Variants in RNF7 observed in about 807,000 individuals in gnomAD.
RNF7 encodes the protein ring finger protein 7.
A neutral mutation model predicts 17.0 loss-of-function variants in RNF7; 9 were observed. That is an observed-to-expected ratio of 0.53 (90% CI 0.32 to 0.92). RNF7 has a LOEUF of 0.92. RNF7 is among the 40% of genes least tolerant of loss of function. The pLI, the probability that RNF7 is intolerant of heterozygous loss-of-function variation, is 0.04. For synonymous variants in RNF7, 59 were observed against 50.5 expected (o/e 1.17, Z -0.72); for missense variants, 87 against 145.8 (o/e 0.60, Z 2.08).
chr3:141,742,329 C>A (rs1213499535), intron 1 of RNF7, among the ~76,000 whole-genome samples: 5 of 151,344 alleles, frequency 3.3e-5, no homozygotes, highest in African/African-American at 1.2e-4. Flanking sequence ...TGGGTTCACG[C>A]CATTCTCCTG....
At chr3:141,742,385 C>A (rs1430071211) in intron 1 of RNF7, among the ~76,000 whole-genome samples, 1 of 151,926 alleles carries the variant, frequency 6.6e-6, no homozygotes, top group Non-Finnish European at 1.5e-5. Context: ...CACCACCACG[C>A]CCGGCTAATT....
At chr3:141,741,803 G>A (rs908814693) in intron 1 of RNF7, among the ~76,000 whole-genome samples, 2 of 152,028 alleles carry the variant, frequency 1.3e-5, no homozygotes, top group Admixed American at 1.3e-4. Context: ...ATGCTCATGG[G>A]CAGTTTATTT....
At chr3:141,743,019 TG>T in intron 1 of RNF7, 1 of 559,114 alleles carries the variant, frequency 1.8e-6, no homozygotes, top group Non-Finnish European at 2.3e-6. Context: ...GTATATTACC[TG>T]GAAGAGTGAA....
intron 1 of RNF7, among the ~76,000 whole-genome samples, chr3:141,742,469 G>A (rs1490850957): frequency 2.0e-5 from 3 of 151,464 alleles, no homozygotes; most frequent in Non-Finnish European, 4.4e-5. Flanking sequence ...CTCGTGATCC[G>A]CCCGCCTCAG....
At chr3:141,743,220 T>A (rs2084439220) in intron 1 of RNF7, among the ~76,000 whole-genome samples, 1 of 152,170 alleles carries the variant, frequency 6.6e-6, no homozygotes. Context: ...TAGTGGAGTA[T>A]GGCATATTTT....
chr3:141,738,619 G>A (rs2084382695), intron 1 of RNF7, 103 bp downstream of exon 1: 1 of 1,231,732 alleles, frequency 8.1e-7, no homozygotes. Flanking sequence ...AAAGTGCCCT[G>A]CCTGGGAGAG....
rs568889469 is a variant in RNF7 at position 141,746,186 on chromosome 3, A to G, written c.*909A>G. The G allele has an allele frequency of 6.6e-6, 1 of 152,254 alleles. No homozygotes were observed. Among genetic ancestry groups the G allele is most frequent in the East Asian group, 1.9e-4 (1 of 5,182 alleles). 9.4% of individuals were successfully genotyped at this position (152,254 alleles called of 1,614,324 possible). ...GAGACGGGATTTCCCCATGTTGGCC[A>G]GGCTGGTCTCAAACTCCTGACCTCA... On this transcript the variant is annotated 3_prime_UTR_variant, in exon 3 of 3. Coordinates refer to ENST00000273480, the MANE Select transcript of RNF7 (RefSeq NM_014245.5).
chr3:141,740,806 G>A lies in RNF7; in HGVS notation c.175+2290G>A, dbSNP rs1006832326. Among the ~76,000 whole-genome samples the A allele has an allele frequency of 5.3e-5, 8 of 152,160 alleles. 1 individual carries two copies. The highest frequency in any genetic ancestry group is 3.3e-4 in the Admixed American group (5 of 15,276). On this transcript the variant is annotated intron_variant, in intron 1 of 2. Transcript: ENST00000273480. The stretch of plus-strand genomic sequence containing the variant: ...GTCAGTTTTGATAATCTACATCAGA[G>A]CTATAAGTGTAATTTAGAGATTCCT...
At chr3:141,742,791 G>A (rs762067939) in intron 1 of RNF7, 28 of 1,261,868 alleles carry the variant, frequency 2.2e-5, no homozygotes, top group African/African-American at 3.1e-5. Context: ...GATGACCATC[G>A]GTAGCAACCT....
rs2084486238 is a variant in RNF7, at chr3:141,747,533, T to A, written c.*2256T>A. 1 of 152,240 alleles carries A rather than the reference T, an allele frequency of 6.6e-6. No individual in the cohort carries two copies. The highest frequency in any genetic ancestry group is 6.5e-5 in the Admixed American group (1 of 15,290). 9.4% of individuals were successfully genotyped at this position (152,240 alleles called of 1,614,324 possible). ...CCCCCTTTACTGTCATGAAGTGAAA[T>A]TCATAAATATATTTCCTACACATAT... is the stretch of plus-strand genomic sequence containing the variant. On this transcript the variant is annotated 3_prime_UTR_variant, in exon 3 of 3. Transcript: ENST00000273480.
At position 141,738,399 on chromosome 3, in the gene RNF7, T is replaced by A. The variant is rs2084379186; in HGVS notation, c.58T>A (p.Ser20Thr). 6.2e-7 allele frequency: 1 copy of A among 1,605,452 alleles called. No homozygotes were observed. Among genetic ancestry groups the A allele is most frequent in the Non-Finnish European group, 8.5e-7 (1 of 1,176,186 alleles). Residue 20 changes from serine to threonine, a missense_variant, in exon 1 of 3, where the codon TCA (serine) becomes ACA (threonine). Coordinates refer to ENST00000273480, the MANE Select transcript of RNF7 (RefSeq NM_014245.5). ...TCALASHSGS[S>T]GSKSGGDKMF... ...CGCCCTGGCCTCTCACTCCGGGAGC[T>A]CAGGCTCCAAGTCGGGAGGCGACAA...
Position 141,745,289 on chromosome 3 carries a change from A to G in RNF7, c.*12A>G. On this transcript the variant is annotated 3_prime_UTR_variant, in exon 3 of 3. Coordinates refer to ENST00000273480, the MANE Select transcript of RNF7 (RefSeq NM_014245.5). ...GAATCGGCAAATGAGAGTGGTTAGA[A>G]GGCTTCTTAGCGCAGTTGTTCAGAG... The G allele has an allele frequency of 4.5e-6, 7 of 1,570,622 alleles. No individual in the cohort carries two copies. The highest frequency in any genetic ancestry group is 6.1e-6 in the Non-Finnish European group (7 of 1,142,644).
rs560626983 is a variant in RNF7 at position 141,739,786 on chromosome 3, A to G, written c.175+1270A>G. Among the ~76,000 whole-genome samples the G allele has an allele frequency of 3.9e-5, 6 of 152,324 alleles. 1 individual carries two copies. In the South Asian group the frequency reaches 1.2e-3, roughly 32 times the overall value. ...TTGAAAGACCTTGATATTAGACATG[A>G]CCCACTTATTTTACATGGATCACTT... On this transcript the variant is annotated intron_variant, in intron 1 of 2. Transcript: ENST00000273480.
chr3:141,745,145 T>C lies in RNF7; in HGVS notation c.224-14T>C. The stretch of plus-strand genomic sequence containing the variant: ...GAAATATGTAATGTCAACTCTTCTT[T>C]TTCTTTCTTTCAGTGGTCTGGGGAG... On this transcript the variant is annotated splice_polypyrimidine_tract_variant and intron_variant, in intron 2 of 2. Transcript: ENST00000273480. 1.3e-6 allele frequency: 2 copies of C among 1,556,628 alleles called. No homozygotes were observed. Among genetic ancestry groups the C allele is most frequent in the South Asian group, 1.1e-5 (1 of 88,210 alleles).
chr3:141,739,251 C>CT (rs2084390593), intron 1 of RNF7, among the ~76,000 whole-genome samples: 1 of 152,206 alleles, frequency 6.6e-6, no homozygotes, highest in African/African-American at 2.4e-5. Flanking sequence ...TCACACCCCC[C>CT]TCTCCATATT....
At position 141,746,619 on chromosome 3, in the gene RNF7, C is replaced by T. The variant is rs1164375205; in HGVS notation, c.*1342C>T. On this transcript the variant is annotated 3_prime_UTR_variant, in exon 3 of 3. Transcript: ENST00000273480. ...TGTAACAAATAATGGACCACAAGTT[C>T]ATTTTGTATTCTTCTGTAGTAGAGG... The T allele has an allele frequency of 6.6e-6, 1 of 152,110 alleles. No homozygotes were observed. The highest frequency in any genetic ancestry group is 1.5e-5 in the Non-Finnish European group (1 of 68,024). 9.4% of individuals were successfully genotyped at this position (152,110 alleles called of 1,614,324 possible).
chr3:141,743,781 C>T (rs1485563434), intron 2 of RNF7, among the ~76,000 whole-genome samples: 2 of 152,104 alleles, frequency 1.3e-5, no homozygotes, highest in Admixed American at 1.3e-4. Context: ...ATATTCCAGA[C>T]ATGGTCATAA....
At chr3:141,739,427 A>G (rs1205976338) in intron 1 of RNF7, among the ~76,000 whole-genome samples, 1 of 152,202 alleles carries the variant, frequency 6.6e-6, no homozygotes, top group African/African-American at 2.4e-5. Flanking sequence ...GGTTCTAAGA[A>G]CTCAGACCAC....
chr3:141,741,091 G>C (rs576649656), intron 1 of RNF7, among the ~76,000 whole-genome samples: 9 of 152,312 alleles, frequency 5.9e-5, no homozygotes, highest in African/African-American at 2.2e-4. Context: ...CTTCATGACT[G>C]TATCACCTTG....
Sources: gnomAD v4.1 joint callset for allele counts (sites outside exome capture counted in the v4.1 genomes callset) on GRCh38, gnomAD v4.1.1 for gene constraint, MANE v1.5 for transcripts, NCBI Gene and HGNC (gene_info 2026-07-23, HGNC 2026-07-21) for gene names.